The following DNAH6 variants were observed in gnomAD, a reference collection of about 807,000 sequenced individuals.
DNAH6 encodes axonemal beta dynein heavy chain 6.
In DNAH6, 340 loss-of-function variants were observed where a neutral mutation model predicts 491.4. The ratio of observed to expected loss-of-function variants is 0.69; its 90% CI spans 0.63 to 0.76. The LOEUF is 0.76. Among genes scored for constraint, DNAH6 ranks in the 30% least tolerant of loss-of-function variants. The pLI is 0.00. For synonymous variants in DNAH6, 1,603 were observed against 1,686.1 expected (o/e 0.95, Z 1.21); for missense variants, 4,443 against 4,972.2 (o/e 0.89, Z 3.20).
At chr2:84,606,259 T>C (rs1685753941) in intron 20 of DNAH6, among the ~76,000 whole-genome samples, 2 of 151,932 alleles carry the variant, frequency 1.3e-5, no homozygotes, top group South Asian at 4.1e-4. Flanking sequence ...CTTTTCCAGG[T>C]GTAGGTTGGA....
chr2:84,608,165 C>T lies in DNAH6; in HGVS notation c.3294+1070C>T, dbSNP rs550357452. On this transcript the variant is annotated intron_variant, in intron 21 of 76. Transcript: ENST00000389394. ...GCAATTCAGTCGCCTCTTCAGGCTC[C>T]ACTTCTAATTCTAGTTCTCTTGCTA... Among the ~76,000 whole-genome samples the T allele has an allele frequency of 1.3e-4, 20 of 152,302 alleles. No homozygotes were observed. The East Asian group carries it at 3.9e-3, about 29-fold the overall frequency.
At chr2:84,488,598 G>A in the DNAH6 span, among the ~76,000 whole-genome samples, 3 of 151,810 alleles carry the variant, frequency 2.0e-5, no homozygotes, top group South Asian at 2.1e-4. Flanking sequence ...CTCTACTTCC[G>A]CCGTCACTTC....
At chr2:84,613,425 C>T (rs1474638583) in intron 22 of DNAH6, among the ~76,000 whole-genome samples, 1 of 152,086 alleles carries the variant, frequency 6.6e-6, no homozygotes, top group African/African-American at 2.4e-5. Flanking sequence ...GGGCATCAGA[C>T]TGGGTCCTTG....
chr2:84,588,560 A>G (rs17759625), intron 15 of DNAH6, among the ~76,000 whole-genome samples: 43,580 of 152,088 alleles, frequency 0.29, 7,222 homozygotes, highest in East Asian at 0.65. Context: ...GAAGAAGTGT[A>G]GGAAATGAAA....
At chr2:84,655,485 A>G (rs1317673904) in intron 35 of DNAH6, among the ~76,000 whole-genome samples, 1 of 152,020 alleles carries the variant, frequency 6.6e-6, no homozygotes, top group Non-Finnish European at 1.5e-5. Flanking sequence ...AGCCATCTTC[A>G]TCTCTGCCTC....
intron 35 of DNAH6, among the ~76,000 whole-genome samples, chr2:84,655,617 G>C (rs977305358): frequency 6.6e-6 from 1 of 152,100 alleles, no homozygotes; most frequent in Admixed American, 6.6e-5. Context: ...TCAGAATTGA[G>C]AGTTTGTCAT....
intron 64 of DNAH6, among the ~76,000 whole-genome samples, chr2:84,767,593 T>C (rs1272793438): frequency 6.6e-6 from 1 of 151,596 alleles, no homozygotes; most frequent in African/African-American, 2.4e-5. Flanking sequence ...AAACTGAAAG[T>C]AAGAATTCAA....
In DNAH6 at chr2:84,745,212, A is replaced by G. The variant is rs920551341; in HGVS notation, c.10475A>G (p.His3492Arg). ...DPWSAGLSSF[H>R]KLILIKCCKE... ...TGGAGTGCAGGATTGAGTTCTTTCC[A>G]TAAGCTAATTCTTATTAAATGTTGT... The change falls in exon 63 of 77, where the codon CAT becomes CGT. Residue 3492 changes from histidine to arginine, a missense_variant. His to Arg is a conservative substitution (Grantham distance 29). Transcript: ENST00000389394. The G allele has an allele frequency of 4.7e-5, 72 of 1,538,858 alleles. No individual in the cohort carries two copies. Among genetic ancestry groups the G allele is most frequent in the African/African-American group, 6.9e-5 (5 of 72,472 alleles).
intron 45 of DNAH6, among the ~76,000 whole-genome samples, chr2:84,693,291 T>C (rs890882876): frequency 6.6e-6 from 1 of 152,304 alleles, no homozygotes; most frequent in East Asian, 1.9e-4. Flanking sequence ...ACTTTTCCTG[T>C]TCAACTCTCC....
Position 84,745,158 on chromosome 2 carries a change from A to C in DNAH6, c.10421A>C (p.Gln3474Pro). ...KMKHEDKHMR[Q>P]EKEAAHQDPW... ...AAACACGAAGATAAACACATGAGAC[A>C]GGAAAAGGAGGCAGCACACCAAGAT... Residue 3474 changes from glutamine (Q) to proline (P), a missense_variant, in exon 63 of 77, where the codon CAG becomes CCG. Gln to Pro is a moderately conservative substitution (Grantham distance 76, BLOSUM62 -1). Transcript: ENST00000389394. 1 of 1,550,014 alleles carries C rather than the reference A, an allele frequency of 6.5e-7. No individual in the cohort carries two copies. The highest frequency in any genetic ancestry group is 8.7e-7 in the Non-Finnish European group (1 of 1,146,050).
intron 37 of DNAH6, among the ~76,000 whole-genome samples, chr2:84,664,569 C>G (rs1480102365): frequency 6.6e-6 from 1 of 152,010 alleles, no homozygotes; most frequent in African/African-American, 2.4e-5. Context: ...ATATATGCAC[C>G]CAATACAGGA....
intron 64 of DNAH6, among the ~76,000 whole-genome samples, chr2:84,771,006 G>C (rs1015795719): frequency 6.6e-6 from 1 of 151,062 alleles, no homozygotes; most frequent in African/African-American, 2.4e-5. Context: ...AAAAAAATGG[G>C]GGCCCAGCGT....
At chr2:84,635,847 TCTC>T (rs1017174689) in intron 30 of DNAH6, among the ~76,000 whole-genome samples, 3 of 152,120 alleles carry the variant, frequency 2.0e-5, no homozygotes, top group Admixed American at 6.6e-5. Context: ...CCATGCATTC[TCTC>T]CTCCAGGCTG....
intron 57 of DNAH6, among the ~76,000 whole-genome samples, chr2:84,714,456 G>A (rs77453610): frequency 6.6e-6 from 1 of 152,298 alleles, no homozygotes; most frequent in Non-Finnish European, 1.5e-5. Flanking sequence ...GGCTGGGAAG[G>A]AGAATGGAGG....
chr2:84,538,451 AATCTAACAG>A (rs760859887), intron 4 of DNAH6, among the ~76,000 whole-genome samples: 1 of 152,178 alleles, frequency 6.6e-6, no homozygotes, highest in Non-Finnish European at 1.5e-5. Context: ...AAGCTATTAA[AATCTAACAG>A]ATAGTTCAGA....
intron 31 of DNAH6, among the ~76,000 whole-genome samples, chr2:84,640,047 A>G (rs111615221): frequency 6.6e-6 from 1 of 152,074 alleles, no homozygotes; most frequent in African/African-American, 2.4e-5. Context: ...ATCACTCTCC[A>G]CTAGGGTGGT....
Position 84,548,310 on chromosome 2 carries a change from T to G in DNAH6, c.1209T>G (p.Ser403Arg), listed in dbSNP as rs1302207875. ...TAGATTATCATAAAGTGCAGAGCAG[T>G]GGAAGTTTCATTAATACACCACATG... ...PFEDYHKVQS[S>R]GSFINTPHEL... The change falls in exon 8 of 77, where the codon AGT becomes AGG. Residue 403 changes from serine (S) to arginine (R), a missense_variant. This residue lies in a region of DNAH6 where 2,977 missense variants were observed against 3,296.6 expected (regional missense o/e 0.90). Transcript: ENST00000389394. 1 of 1,613,692 alleles carries G rather than the reference T, an allele frequency of 6.2e-7. No homozygotes were observed. Among genetic ancestry groups the G allele is most frequent in the Middle Eastern group, 1.6e-4 (1 of 6,080 alleles).
intron 37 of DNAH6, among the ~76,000 whole-genome samples, chr2:84,660,428 A>G (rs566719588): frequency 6.6e-6 from 1 of 152,302 alleles, no homozygotes. Flanking sequence ...AGTAGAGAAG[A>G]AAGAAAAACT....
intron 23 of DNAH6, among the ~76,000 whole-genome samples, chr2:84,617,337 C>G (rs927914522): frequency 2.0e-5 from 3 of 151,892 alleles, no homozygotes; most frequent in Non-Finnish European, 4.4e-5. Flanking sequence ...AAGCATTTAT[C>G]CTTTGTGTTA....
Sources: allele counts gnomAD v4.1 joint callset (sites outside exome capture counted in the v4.1 genomes callset), GRCh38; gene constraint gnomAD v4.1.1; regional missense constraint gnomAD v4.1.1; transcripts MANE v1.5; gene names NCBI Gene and HGNC (gene_info 2026-07-23, HGNC 2026-07-21).